The following POFUT4 variants were observed in gnomAD, a reference collection of about 807,000 sequenced individuals.
POFUT4 encodes the protein protein O-fucosyltransferase 4, also known as GDP-fucose protein O-fucosyltransferase 4.
chr10:73,773,189 G>C, the POFUT4 span: 1 of 1,607,364 alleles, frequency 6.2e-7, no homozygotes, highest in Non-Finnish European at 8.5e-7. Context: ...ACCCGGTCTA[G>C]GTAGACTCCT....
chr10:73,779,074 T>TAA, the POFUT4 span: 146 of 69,110 alleles, frequency 2.1e-3, no homozygotes, highest in Admixed American at 3.8e-3. Flanking sequence ...CTCCAGAAAC[T>TAA]AAAAAAAAAA....
chr10:73,773,790 G>C, the POFUT4 span: 1 of 1,584,350 alleles, frequency 6.3e-7, no homozygotes, highest in Admixed American at 1.8e-5. Flanking sequence ...CTTTGGCAAT[G>C]TGGAAGAGAT....
chr10:73,773,069 A>T, the POFUT4 span: 1 of 1,548,142 alleles, frequency 6.5e-7, no homozygotes, highest in East Asian at 2.3e-5. Flanking sequence ...GGAGGGAAGG[A>T]AAAGGAGAGG....
chr10:73,778,444 C>G, the POFUT4 span, among the ~76,000 whole-genome samples: 1 of 149,860 alleles, frequency 6.7e-6, no homozygotes, highest in Non-Finnish European at 1.5e-5. Context: ...CAGCCAAACC[C>G]TTCTGTTGCT....
the POFUT4 span, chr10:73,772,926 T>G: frequency 1.2e-6 from 2 of 1,609,936 alleles, 1 homozygote; most frequent in South Asian, 2.2e-5. Flanking sequence ...CCTCCGCCCA[T>G]GGAACGCGCG....
At chr10:73,775,536 T>A in the POFUT4 span, 1 of 1,614,242 alleles carries the variant, frequency 6.2e-7, no homozygotes, top group Non-Finnish European at 8.5e-7. Context: ...ATTTTGATAT[T>A]TCAGTTGGAA....
the POFUT4 span, chr10:73,773,802 C>G: frequency 6.3e-7 from 1 of 1,576,814 alleles, no homozygotes; most frequent in South Asian, 1.1e-5. Flanking sequence ...GGAAGAGATT[C>G]CTGAGAATGA....
At chr10:73,774,045 T>A in the POFUT4 span, 1 of 529,194 alleles carries the variant, frequency 1.9e-6, no homozygotes, top group East Asian at 3.1e-5. Flanking sequence ...ATGTGAACAA[T>A]GTTTCCAGTA....
At chr10:73,772,432 C>T in the POFUT4 span, 1 of 1,566,560 alleles carries the variant, frequency 6.4e-7, no homozygotes, top group Non-Finnish European at 8.6e-7. Context: ...GGGAGGCCGG[C>T]GGGGAGGCGG....
At chr10:73,773,090 G>GCCAGGACTCCAGGTGT in the POFUT4 span, 139 of 1,515,432 alleles carry the variant, frequency 9.2e-5, 1 homozygote, top group South Asian at 4.8e-4. Context: ...GCGGGTTGAG[G>GCCAGGACTCCAGGTGT]CCAGGACTCC....
At chr10:73,774,801 G>A in the POFUT4 span, 1 of 154,720 alleles carries the variant, frequency 6.5e-6, no homozygotes, top group Non-Finnish European at 1.4e-5. Context: ...AACAAGGCCA[G>A]CGTGTGGTGT....
chr10:73,776,843 C>G, the POFUT4 span, among the ~76,000 whole-genome samples: 3 of 152,246 alleles, frequency 2.0e-5, no homozygotes, highest in Middle Eastern at 3.4e-3. Flanking sequence ...CCACGCCCAG[C>G]TAATTTTTTG....
the POFUT4 span, chr10:73,775,324 G>T: frequency 8.8e-7 from 1 of 1,130,966 alleles, no homozygotes; most frequent in East Asian, 2.5e-5. Context: ...AATCGTAATT[G>T]ATTGGGTAGT....
chr10:73,777,863 C>CTTT, the POFUT4 span, among the ~76,000 whole-genome samples: 1 of 136,776 alleles, frequency 7.3e-6, no homozygotes, highest in Non-Finnish European at 1.6e-5. Context: ...GTGCCCCCAC[C>CTTT]TTTTTTTTTT....
At chr10:73,776,088 T>C in the POFUT4 span, 1 of 164,604 alleles carries the variant, frequency 6.1e-6, no homozygotes, top group Non-Finnish European at 1.3e-5. Flanking sequence ...ATTCAGTACA[T>C]TTCCCAATAA....
the POFUT4 span, chr10:73,772,325 G>C: frequency 1.4e-6 from 2 of 1,439,670 alleles, no homozygotes; most frequent in Non-Finnish European, 1.8e-6. Context: ...GCCGGCTGCC[G>C]GAGTGGACAT....
chr10:73,772,579 C>G, the POFUT4 span: 13 of 1,588,250 alleles, frequency 8.2e-6, no homozygotes, highest in Non-Finnish European at 1.0e-5. Flanking sequence ...TGTGGTGGAG[C>G]CCAGGGCTAT....
the POFUT4 span, chr10:73,775,257 G>A: frequency 1.5e-6 from 1 of 662,598 alleles, no homozygotes; most frequent in Non-Finnish European, 2.6e-6. Context: ...TCTGGCCTCT[G>A]CTTTGCCTGC....
At chr10:73,775,250 G>GGCAAA in the POFUT4 span, 1 of 637,518 alleles carries the variant, frequency 1.6e-6, no homozygotes, top group Non-Finnish European at 2.8e-6. Flanking sequence ...CTTCCAGTCT[G>GGCAAA]GCCTCTGCTT....
Sources: gnomAD v4.1 joint callset for allele counts (sites outside exome capture counted in the v4.1 genomes callset) on GRCh38, gnomAD v4.1.1 for gene constraint, MANE v1.5 for transcripts, NCBI Gene and HGNC (gene_info 2026-07-23, HGNC 2026-07-21) for gene names.